Variants in GRID2 observed in about 807,000 individuals in gnomAD.
GRID2 encodes glutamate receptor ionotropic, delta-2.
Under a neutral mutation model 114.8 loss-of-function variants are expected in GRID2, and 33 were observed. The observed-to-expected ratio is 0.29, with a 90% confidence interval of 0.22 to 0.38. GRID2 has a LOEUF of 0.38. Ranked by LOEUF, GRID2 falls within the 10% of genes least tolerant of loss-of-function variation. The pLI is 1.00. For missense variants in GRID2, 1,184 were observed against 1,257.7 expected (o/e 0.94, Z 0.89); for synonymous variants, 505 against 449.9 (o/e 1.12, Z -1.55).
At chr4:92,878,456 T>C (rs1745781051) in intron 2 of GRID2, among the ~76,000 whole-genome samples, 1 of 152,172 alleles carries the variant, frequency 6.6e-6, no homozygotes, top group African/African-American at 2.4e-5. Flanking sequence ...CTGTTATTTG[T>C]TGATAAGTCT....
At chr4:92,860,015 CAAG>C (rs1744423725) in intron 2 of GRID2, among the ~76,000 whole-genome samples, 1 of 152,040 alleles carries the variant, frequency 6.6e-6, no homozygotes, top group Admixed American at 6.6e-5. Flanking sequence ...GAACCACTGA[CAAG>C]AAGAAGAATG....
intron 4 of GRID2, among the ~76,000 whole-genome samples, chr4:93,137,125 G>C (rs1174499240): frequency 6.6e-6 from 1 of 152,082 alleles, no homozygotes; most frequent in Admixed American, 6.5e-5. Flanking sequence ...GCTTATAACT[G>C]TTACTCTTGT....
intron 1 of GRID2, among the ~76,000 whole-genome samples, chr4:92,534,919 T>G (rs751492552): frequency 2.2e-4 from 34 of 152,188 alleles, no homozygotes; most frequent in Non-Finnish European, 3.2e-4. Context: ...GTTTATATCT[T>G]GAGCCCCCAG....
intron 1 of GRID2, among the ~76,000 whole-genome samples, chr4:92,503,871 G>A (rs1475471921): frequency 2.0e-5 from 3 of 152,054 alleles, no homozygotes; most frequent in Non-Finnish European, 2.9e-5. Context: ...TGAGCTTAAT[G>A]AGGTAGAGGT....
At chr4:93,438,204 G>C (rs186748998) in intron 10 of GRID2, among the ~76,000 whole-genome samples, 1 of 152,158 alleles carries the variant, frequency 6.6e-6, no homozygotes, top group African/African-American at 2.4e-5. Context: ...AGATCTCTAA[G>C]TGCACACGAA....
At chr4:92,749,894 T>C (rs1162332135) in intron 2 of GRID2, among the ~76,000 whole-genome samples, 1 of 151,588 alleles carries the variant, frequency 6.6e-6, no homozygotes, top group East Asian at 2.0e-4. Context: ...ACAATTTCGC[T>C]CTTGTTGCCC....
At chr4:93,263,060 A>G (rs1303892806) in intron 8 of GRID2, among the ~76,000 whole-genome samples, 1 of 151,892 alleles carries the variant, frequency 6.6e-6, no homozygotes, top group African/African-American at 2.4e-5. Context: ...TTCTGTTATT[A>G]CTAGTACCAA....
At chr4:93,553,322 C>G (rs995493987) in intron 13 of GRID2, among the ~76,000 whole-genome samples, 1 of 152,180 alleles carries the variant, frequency 6.6e-6, no homozygotes, top group African/African-American at 2.4e-5. Context: ...GATTGCCATT[C>G]TAACTGGTGA....
At chr4:92,417,491 C>G (rs370099637) in intron 1 of GRID2, among the ~76,000 whole-genome samples, 1 of 151,986 alleles carries the variant, frequency 6.6e-6, no homozygotes, top group Admixed American at 6.6e-5. Context: ...AGCAATTACC[C>G]CCTGAGGAAC....
chr4:93,659,985 A>G (rs886953996), intron 14 of GRID2, among the ~76,000 whole-genome samples: 3 of 152,172 alleles, frequency 2.0e-5, no homozygotes, highest in Non-Finnish European at 2.9e-5. Flanking sequence ...CATTGGTATG[A>G]TAATAGTGTC....
intron 8 of GRID2, among the ~76,000 whole-genome samples, chr4:93,320,546 C>A (rs1373606740): frequency 1.3e-5 from 2 of 151,966 alleles, no homozygotes; most frequent in Admixed American, 1.3e-4. Flanking sequence ...AGGTTGAGGT[C>A]CACTAGTGGG....
chr4:93,102,446 A>T (rs1036003980), intron 3 of GRID2, among the ~76,000 whole-genome samples: 13 of 152,164 alleles, frequency 8.5e-5, no homozygotes, highest in Non-Finnish European at 1.9e-4. Flanking sequence ...AAAAACAAAG[A>T]AAAAATCAAC....
chr4:92,503,356 T>C (rs17318246), intron 1 of GRID2, among the ~76,000 whole-genome samples: 34,068 of 152,016 alleles, frequency 0.22, 4,345 homozygotes, highest in Non-Finnish European at 0.29. Flanking sequence ...GTTATCAAGA[T>C]ACAGCATATT....
chr4:92,780,299 C>T (rs1307110430), intron 2 of GRID2, among the ~76,000 whole-genome samples: 1 of 152,084 alleles, frequency 6.6e-6, no homozygotes, highest in Non-Finnish European at 1.5e-5. Flanking sequence ...TTAATTCAGA[C>T]TGTTTTAAAT....
At chr4:92,838,803 G>A (rs1300528532) in intron 2 of GRID2, 1 of 152,046 alleles carries the variant, frequency 6.6e-6, no homozygotes, top group African/African-American at 2.4e-5. Context: ...TCTGTTAGGA[G>A]GTGAGCAGGG....
At chr4:93,126,750 A>G (rs4561898) in intron 4 of GRID2, among the ~76,000 whole-genome samples, 58,625 of 149,204 alleles carry the variant, frequency 0.39, 11,718 homozygotes, top group Admixed American at 0.54. Context: ...GGCGCCCGCT[A>G]CCACGCCCGG....
At chr4:93,751,840 A>G (rs1732343725) in intron 14 of GRID2, among the ~76,000 whole-genome samples, 1 of 152,244 alleles carries the variant, frequency 6.6e-6, no homozygotes, top group Admixed American at 6.5e-5. Context: ...TAAAAGCTTC[A>G]TGCTGTCATT....
intron 13 of GRID2, among the ~76,000 whole-genome samples, chr4:93,531,378 A>T (rs868325539): frequency 6.6e-6 from 1 of 152,134 alleles, no homozygotes; most frequent in South Asian, 2.1e-4. Context: ...GGATTTTTGC[A>T]TGAATTTTGT....
At chr4:92,423,034 C>T (rs952993962) in intron 1 of GRID2, among the ~76,000 whole-genome samples, 1 of 152,006 alleles carries the variant, frequency 6.6e-6, no homozygotes, top group East Asian at 1.9e-4. Flanking sequence ...TTTAAAACAC[C>T]TCAGTCTTAT....
Sources: gnomAD v4.1 joint callset for allele counts (sites outside exome capture counted in the v4.1 genomes callset) on GRCh38, gnomAD v4.1.1 for gene constraint, MANE v1.5 for transcripts, NCBI Gene and HGNC (gene_info 2026-07-23, HGNC 2026-07-21) for gene names.